TEAD1: variants seen among roughly 807,000 people sequenced by gnomAD.
TEAD1 encodes transcriptional enhancer factor TEF-1.
In TEAD1, 9 loss-of-function variants were observed where a neutral mutation model predicts 54.9. The ratio of observed to expected loss-of-function variants is 0.16; its 90% CI spans 0.10 to 0.29. The LOEUF (loss-of-function observed/expected upper bound fraction) is 0.29, where lower values mean the gene tolerates loss of function less well. Ranked by LOEUF, TEAD1 falls within the 10% of genes least tolerant of loss-of-function variation. The pLI, the probability that TEAD1 is intolerant of heterozygous loss-of-function variation, is 1.00. For missense variants in TEAD1, 387 were observed against 535.9 expected, an observed-to-expected ratio of 0.72 and a Z score of 2.74; for synonymous variants, 200 against 187.8, an observed-to-expected ratio of 1.07 and a Z score of -0.53.
At chr11:12,766,390 C>G (rs982682946) in intron 3 of TEAD1, among the ~76,000 whole-genome samples, 15 of 152,190 alleles carry the variant, frequency 9.9e-5, no homozygotes, top group African/African-American at 3.6e-4. Context: ...AATTGGGTCT[C>G]AGAGGCAGCA....
At chr11:12,724,459 G>A (rs1375956372) in intron 2 of TEAD1, among the ~76,000 whole-genome samples, 1 of 152,228 alleles carries the variant, frequency 6.6e-6, no homozygotes, top group Non-Finnish European at 1.5e-5. Flanking sequence ...CTAATGTAGT[G>A]CAAGAGCTTT....
intron 2 of TEAD1, among the ~76,000 whole-genome samples, chr11:12,682,206 T>A (rs1346321128): frequency 3.3e-5 from 5 of 152,242 alleles, no homozygotes; most frequent in African/African-American, 1.2e-4. Flanking sequence ...GCAGTGTACC[T>A]AGGAACATAG....
At chr11:12,850,314 T>C (rs990648435) in intron 3 of TEAD1, among the ~76,000 whole-genome samples, 1 of 152,198 alleles carries the variant, frequency 6.6e-6, no homozygotes, top group Non-Finnish European at 1.5e-5. Flanking sequence ...CTCATGCCTG[T>C]AATCCCAGCT....
intron 5 of TEAD1, among the ~76,000 whole-genome samples, chr11:12,869,832 A>T (rs1189469394): frequency 6.6e-6 from 1 of 152,080 alleles, no homozygotes; most frequent in East Asian, 1.9e-4. Flanking sequence ...AATCCAGTGA[A>T]AGCTCTCTCT....
chr11:12,805,968 G>C (rs1202549586), intron 3 of TEAD1, among the ~76,000 whole-genome samples: 1 of 152,144 alleles, frequency 6.6e-6, no homozygotes, highest in African/African-American at 2.4e-5. Context: ...TTGGGGGTCT[G>C]TGTGAGCTTC....
intron 2 of TEAD1, among the ~76,000 whole-genome samples, chr11:12,682,449 C>T (rs1943242480): frequency 6.6e-6 from 1 of 152,092 alleles, no homozygotes; most frequent in South Asian, 2.1e-4. Flanking sequence ...TTCTGTCTGG[C>T]TGCTTATAGA....
intron 3 of TEAD1, among the ~76,000 whole-genome samples, chr11:12,833,174 G>C (rs915036224): frequency 6.6e-6 from 1 of 152,176 alleles, no homozygotes; most frequent in African/African-American, 2.4e-5. Context: ...GACAGAGAAG[G>C]CAGCATTTTC....
At chr11:12,883,422 A>T (rs1221778886) in intron 9 of TEAD1, among the ~76,000 whole-genome samples, 1 of 152,190 alleles carries the variant, frequency 6.6e-6, no homozygotes, top group Non-Finnish European at 1.5e-5. Flanking sequence ...GTAAAATTTA[A>T]CAAGAAGTAA....
At chr11:12,752,114 C>T (rs1337899595) in intron 2 of TEAD1, among the ~76,000 whole-genome samples, 1 of 151,314 alleles carries the variant, frequency 6.6e-6, no homozygotes, top group Non-Finnish European at 1.5e-5. Context: ...CTGATGGCAG[C>T]ACATCAAAGC....
chr11:12,826,731 G>C (rs925740250), intron 3 of TEAD1, among the ~76,000 whole-genome samples: 1 of 152,124 alleles, frequency 6.6e-6, no homozygotes, highest in Non-Finnish European at 1.5e-5. Flanking sequence ...GAAAAAATGT[G>C]TGTAAATGTT....
chr11:12,776,789 TATTATTATTATC>T (rs201780297), intron 3 of TEAD1, among the ~76,000 whole-genome samples: 3,800 of 127,750 alleles, frequency 0.03, 167 homozygotes, highest in African/African-American at 0.16. Context: ...TTATTATTAT[TATTATTATTATC>T]ATTATTATTA....
intron 3 of TEAD1, chr11:12,851,068 T>G (rs1947263893): frequency 2.0e-6 from 2 of 983,738 alleles, no homozygotes; most frequent in East Asian, 1.1e-4. Context: ...CTTCGGATTT[T>G]CTTTATACAA....
chr11:12,814,384 C>T (rs551323944), intron 3 of TEAD1, among the ~76,000 whole-genome samples: 19 of 152,186 alleles, frequency 1.2e-4, no homozygotes, highest in Middle Eastern at 3.4e-3. Flanking sequence ...GTGTGAGGGG[C>T]CTTTGGCAGC....
chr11:12,678,543 T>G (rs1943145642), intron 2 of TEAD1, among the ~76,000 whole-genome samples: 1 of 152,210 alleles, frequency 6.6e-6, no homozygotes, highest in South Asian at 2.1e-4. Flanking sequence ...AGTGATAAAA[T>G]CAGGTAATTC....
At chr11:12,918,933 T>G (rs1346086822) in intron 10 of TEAD1, among the ~76,000 whole-genome samples, 1 of 152,138 alleles carries the variant, frequency 6.6e-6, no homozygotes, top group African/African-American at 2.4e-5. Context: ...ACAAAACTAA[T>G]GTGTGATGTT....
intron 9 of TEAD1, among the ~76,000 whole-genome samples, chr11:12,899,610 G>A (rs1948385938): frequency 6.6e-6 from 1 of 152,066 alleles, no homozygotes; most frequent in Non-Finnish European, 1.5e-5. Context: ...CTAACACAAT[G>A]GCTTTTACTT....
chr11:12,689,746 GCACCCATTAT>G (rs1215527223), intron 2 of TEAD1, among the ~76,000 whole-genome samples: 1 of 152,018 alleles, frequency 6.6e-6, no homozygotes, highest in African/African-American at 2.4e-5. Context: ...GAACCCCTGT[GCACCCATTAT>G]CACCCAGCAG....
chr11:12,699,543 A>C (rs1018541281), intron 2 of TEAD1, among the ~76,000 whole-genome samples: 2 of 152,154 alleles, frequency 1.3e-5, no homozygotes, highest in African/African-American at 4.8e-5. Context: ...TTTGAAACTT[A>C]TATCTTCTGT....
intron 5 of TEAD1, among the ~76,000 whole-genome samples, chr11:12,866,751 A>G (rs1016463245): frequency 1.3e-5 from 2 of 152,184 alleles, no homozygotes; most frequent in Non-Finnish European, 2.9e-5. Context: ...CTTTCCTACC[A>G]TATTGTTCTT....
Sources: gnomAD v4.1 joint callset for allele counts (sites outside exome capture counted in the v4.1 genomes callset) on GRCh38, gnomAD v4.1.1 for gene constraint, MANE v1.5 for transcripts, NCBI Gene and HGNC (gene_info 2026-07-23, HGNC 2026-07-21) for gene names.